PPP1R42: variants seen among roughly 807,000 people sequenced by gnomAD.
The protein encoded by PPP1R42 is leucine rich repeat containing 67.
PPP1R42 carries 34 observed loss-of-function variants against 31.0 expected under a neutral mutation model. The ratio of observed to expected loss-of-function variants is 1.10; its 90% CI spans 0.83 to 1.46. The LOEUF is 1.46. PPP1R42 is among the 40% of genes most tolerant of loss of function. The pLI is 0.00. For synonymous variants in PPP1R42, 103 were observed against 109.8 expected (o/e 0.94, Z 0.39); for missense variants, 268 against 303.0 (o/e 0.88, Z 0.86).
rs1449645913 is a variant in PPP1R42 at position 66,988,118 on chromosome 8, C to G, written c.670+282G>C. Reference sequence around the variant, plus strand: ...TAACGAAAGTTTGGCAAAAGGTCAGCAAGTTCTACACATTTATGACTAACC... The same window carrying G: ...TAACGAAAGTTTGGCAAAAGGTCAGGAAGTTCTACACATTTATGACTAACC... On this transcript the variant is annotated intron_variant, in intron 6 of 7. Transcript: ENST00000685739. The G allele has an allele frequency of 3.9e-6, 4 of 1,038,810 alleles. No individual in the cohort carries two copies. In the East Asian group the frequency reaches 3.0e-4, roughly 77 times the overall value. 64.3% of individuals were successfully genotyped at this position (1,038,810 alleles called of 1,614,324 possible).
intron 6 of PPP1R42, among the ~76,000 whole-genome samples, chr8:66,987,218 CAG>C (rs938123217): frequency 9.9e-5 from 15 of 151,402 alleles, no homozygotes; most frequent in Non-Finnish European, 7.4e-5. Context: ...ATGTCCCAAA[CAG>C]AGCTGAGGAA....
chr8:66,983,249 C>T (rs1460843449), intron 6 of PPP1R42, among the ~76,000 whole-genome samples: 2 of 152,000 alleles, frequency 1.3e-5, no homozygotes, highest in Non-Finnish European at 2.9e-5. Flanking sequence ...ATTAGTTTTG[C>T]ATCCTGCTTA....
rs75560171 is a variant in PPP1R42, at chr8:67,008,601, G to A, written c.552+2114C>T. On this transcript the variant is annotated intron_variant, in intron 5 of 7. Transcript: ENST00000685739. ...CACATGCCTGTAATCCCAGCTACTC[G>A]AGAGGCTGAGGAAGGAGAATCTCTT... Among the ~76,000 whole-genome samples the A allele has an allele frequency of 1.6e-3, 244 of 151,900 alleles. 7 individuals carry two copies. The East Asian group carries it at 0.041, about 25-fold the overall frequency.
intron 1 of PPP1R42, among the ~76,000 whole-genome samples, chr8:67,020,109 C>T (rs1018809533): frequency 6.6e-6 from 1 of 152,064 alleles, no homozygotes; most frequent in East Asian, 1.9e-4. Context: ...GAAAATGAAG[C>T]TGGCCTAGAA....
chr8:67,019,237 CTTTTTTT>C (rs1186280936), intron 1 of PPP1R42, among the ~76,000 whole-genome samples: 5 of 91,670 alleles, frequency 5.5e-5, no homozygotes, highest in African/African-American at 1.0e-4. Context: ...TTATGAGCAT[CTTTTTTT>C]TTTTTTTTTT....
chr8:66,991,769 T>C (rs938706891), intron 5 of PPP1R42, among the ~76,000 whole-genome samples: 3 of 152,146 alleles, frequency 2.0e-5, no homozygotes, highest in Non-Finnish European at 4.4e-5. Context: ...TGGAGTTTAT[T>C]TTATCTCTTA....
At chr8:66,984,040 G>T in intron 6 of PPP1R42, 1 of 1,244,784 alleles carries the variant, frequency 8.0e-7, no homozygotes. Flanking sequence ...ACAGTTCTGA[G>T]ATCATACAAG....
At chr8:66,989,591 G>A (rs1349329757) in intron 5 of PPP1R42, among the ~76,000 whole-genome samples, 3 of 152,236 alleles carry the variant, frequency 2.0e-5, no homozygotes, top group Non-Finnish European at 4.4e-5. Context: ...CAAAAGTAGT[G>A]CACATAGCTT....
intron 1 of PPP1R42, among the ~76,000 whole-genome samples, chr8:67,023,152 G>T (rs1473767792): frequency 7.7e-6 from 1 of 129,742 alleles, no homozygotes; most frequent in East Asian, 2.0e-4. Context: ...TTGAGACAGG[G>T]TCTCGCTCTG....
chr8:66,965,211 T>A (rs1814345852), intron 7 of PPP1R42, among the ~76,000 whole-genome samples: 1 of 147,382 alleles, frequency 6.8e-6, no homozygotes, highest in Non-Finnish European at 1.5e-5. Context: ...CTGCAGTGAG[T>A]CAAGATTGCG....
At chr8:67,010,959 A>G (rs925872520) in intron 4 of PPP1R42, 128 bp from the exon 5 acceptor site, 3 of 807,528 alleles carry the variant, frequency 3.7e-6, no homozygotes, top group African/African-American at 1.8e-5. Context: ...AGGCAAAAAC[A>G]TCAAAAGCCA....
At chr8:67,026,659 G>A (rs1420327250) in intron 1 of PPP1R42, among the ~76,000 whole-genome samples, 1 of 151,736 alleles carries the variant, frequency 6.6e-6, no homozygotes, top group Non-Finnish European at 1.5e-5. Context: ...AACATGGCGA[G>A]ACCCCTGTCT....
At chr8:66,996,198 T>C (rs28377622) in intron 5 of PPP1R42, among the ~76,000 whole-genome samples, 12,641 of 152,140 alleles carry the variant, frequency 0.083, 1,072 homozygotes, top group African/African-American at 0.22. Flanking sequence ...CTCAGGCATG[T>C]GCCACCATGC....
At chr8:66,997,538 C>T (rs1206149184) in intron 5 of PPP1R42, among the ~76,000 whole-genome samples, 1 of 146,786 alleles carries the variant, frequency 6.8e-6, no homozygotes, top group African/African-American at 2.6e-5. Flanking sequence ...GCCACTGTGC[C>T]TGGCTTTTTT....
intron 7 of PPP1R42, among the ~76,000 whole-genome samples, chr8:66,980,415 G>A (rs1271453796): frequency 1.3e-5 from 2 of 151,772 alleles, no homozygotes; most frequent in African/African-American, 4.8e-5. Flanking sequence ...TTTTTTTATA[G>A]ATGAGGTTTC....
intron 4 of PPP1R42, among the ~76,000 whole-genome samples, chr8:67,012,618 T>C (rs573157915): frequency 6.6e-6 from 1 of 152,322 alleles, no homozygotes; most frequent in East Asian, 1.9e-4. Flanking sequence ...CCTTAGGCAT[T>C]TTCCTAAAAT....
chr8:66,984,361 G>A, intron 6 of PPP1R42: 1 of 1,305,532 alleles, frequency 7.7e-7, no homozygotes, highest in Non-Finnish European at 1.1e-6. Flanking sequence ...TGTGTTAGAT[G>A]TCTGTTCATC....
chr8:67,000,649 G>C (rs899281916), intron 5 of PPP1R42, among the ~76,000 whole-genome samples: 15 of 152,024 alleles, frequency 9.9e-5, no homozygotes, highest in Non-Finnish European at 1.8e-4. Context: ...GTGGAGACAG[G>C]GTTTCACTAT....
intron 1 of PPP1R42, among the ~76,000 whole-genome samples, chr8:67,019,385 C>T (rs1275886199): frequency 4.0e-5 from 6 of 150,174 alleles, no homozygotes; most frequent in Non-Finnish European, 8.9e-5. Context: ...GGATTACAGG[C>T]GCCCACCACC....
Sources: allele counts gnomAD v4.1 joint callset (sites outside exome capture counted in the v4.1 genomes callset), GRCh38; gene constraint gnomAD v4.1.1; transcripts MANE v1.5; gene names NCBI Gene and HGNC (gene_info 2026-07-23, HGNC 2026-07-21).